RAB27B: variants seen among roughly 807,000 people sequenced by gnomAD.
RAB27B encodes ras-related protein Rab-27B.
In RAB27B, 15 loss-of-function variants were observed where a neutral mutation model predicts 24.6. The ratio of observed to expected loss-of-function variants is 0.61; its 90% CI spans 0.41 to 0.94. RAB27B has a LOEUF of 0.94. Ranked by LOEUF, RAB27B falls within the 40% of genes least tolerant of loss-of-function variation. The probability of loss-of-function intolerance (pLI) is 0.00; values close to 1 mark genes in which losing one functional copy is unlikely to be tolerated. For synonymous variants in RAB27B, 105 were observed against 92.5 expected, an observed-to-expected ratio of 1.14 and a Z score of -0.78; for missense variants, 261 against 266.8, an observed-to-expected ratio of 0.98 and a Z score of 0.15.
intron 2 of RAB27B, among the ~76,000 whole-genome samples, chr18:54,750,294 A>G (rs956865090): frequency 6.6e-6 from 1 of 152,214 alleles, no homozygotes; most frequent in Non-Finnish European, 1.5e-5. Context: ...ATCTCTTGAA[A>G]TGTTAGGAAT....
chr18:54,744,808 G>T (rs1014977540), intron 2 of RAB27B: 1 of 192,732 alleles, frequency 5.2e-6, no homozygotes, highest in Admixed American at 4.8e-5. Context: ...ATTTCTTGCA[G>T]CAGGAACTCA....
intron 1 of RAB27B, among the ~76,000 whole-genome samples, chr18:54,838,483 T>G (rs1910981201): frequency 6.6e-6 from 1 of 152,178 alleles, no homozygotes; most frequent in Non-Finnish European, 1.5e-5. Context: ...ACACTCTCCA[T>G]CACAAGTATT....
intron 2 of RAB27B, among the ~76,000 whole-genome samples, chr18:54,748,099 C>CTATTT (rs1242906377): frequency 1.3e-5 from 2 of 151,946 alleles, no homozygotes; most frequent in African/African-American, 2.4e-5. Flanking sequence ...AGAGTGAGAC[C>CTATTT]TTGTCTCAAA....
intron 2 of RAB27B, among the ~76,000 whole-genome samples, chr18:54,725,431 T>G (rs1394889751): frequency 2.6e-5 from 4 of 151,576 alleles, no homozygotes; most frequent in Admixed American, 2.6e-4. Flanking sequence ...TGAAATTCCA[T>G]GTAAAAACTT....
chr18:54,784,336 C>A (rs1471043042), intron 2 of RAB27B, among the ~76,000 whole-genome samples: 1 of 152,120 alleles, frequency 6.6e-6, no homozygotes, highest in East Asian at 1.9e-4. Flanking sequence ...GATACATGTG[C>A]AGATGTGTTA....
At chr18:54,719,454 A>T (rs989060551) in intron 2 of RAB27B, among the ~76,000 whole-genome samples, 1 of 152,054 alleles carries the variant, frequency 6.6e-6, no homozygotes, top group African/African-American at 2.4e-5. Flanking sequence ...TACTTTTTAA[A>T]TGTAACTAAA....
chr18:54,738,155 T>C (rs1009490079), intron 2 of RAB27B, among the ~76,000 whole-genome samples: 5 of 152,194 alleles, frequency 3.3e-5, no homozygotes, highest in Admixed American at 2.0e-4. Context: ...GTCATAATCT[T>C]GTCTTTCTGC....
chr18:54,877,159 T>C (rs1912736282), intron 1 of RAB27B, among the ~76,000 whole-genome samples: 1 of 152,170 alleles, frequency 6.6e-6, no homozygotes, highest in Non-Finnish European at 1.5e-5. Flanking sequence ...TGCTGAGCTC[T>C]CATTCTCTCT....
intron 1 of RAB27B, among the ~76,000 whole-genome samples, chr18:54,864,670 C>T (rs1912140924): frequency 6.6e-6 from 1 of 151,878 alleles, no homozygotes; most frequent in Non-Finnish European, 1.5e-5. Flanking sequence ...TATTCTTTTT[C>T]CCATTTATTT....
chr18:54,735,389 T>C (rs1416032366), intron 2 of RAB27B, among the ~76,000 whole-genome samples: 2 of 152,212 alleles, frequency 1.3e-5, no homozygotes, highest in African/African-American at 4.8e-5. Context: ...TTTCTGAGGC[T>C]ACCACACTGT....
chr18:54,867,442 C>CTTTTCTTTTTTTTTTTTTTTT (rs1555666326), intron 1 of RAB27B, among the ~76,000 whole-genome samples: 14 of 98,746 alleles, frequency 1.4e-4, no homozygotes, highest in South Asian at 4.0e-4. Context: ...CTTTTCTTTT[C>CTTTTCTTTTTTTTTTTTTTTT]TTTTTTTTTT....
At chr18:54,839,634 A>G (rs189102979) in intron 1 of RAB27B, among the ~76,000 whole-genome samples, 6 of 152,320 alleles carry the variant, frequency 3.9e-5, no homozygotes, top group Admixed American at 3.9e-4. Flanking sequence ...CTAAGGTCCT[A>G]TTTCTTTGTC....
chr18:54,850,768 A>G (rs541214929), intron 1 of RAB27B, among the ~76,000 whole-genome samples: 1 of 151,190 alleles, frequency 6.6e-6, no homozygotes, highest in South Asian at 2.1e-4. Context: ...TTATTTTATT[A>G]ATTTTAAATT....
intron 2 of RAB27B, among the ~76,000 whole-genome samples, chr18:54,802,584 G>A (rs1490522793): frequency 6.6e-6 from 1 of 152,098 alleles, no homozygotes; most frequent in East Asian, 1.9e-4. Flanking sequence ...TTCTTGATGT[G>A]TGATTTTACA....
At chr18:54,779,914 C>T (rs555741326) in intron 2 of RAB27B, among the ~76,000 whole-genome samples, 15 of 151,282 alleles carry the variant, frequency 9.9e-5, no homozygotes, top group African/African-American at 3.4e-4. Flanking sequence ...CCCTCTCTAC[C>T]GTCTCCTGAC....
chr18:54,738,867 G>A (rs994967507), intron 2 of RAB27B, among the ~76,000 whole-genome samples: 1 of 152,076 alleles, frequency 6.6e-6, no homozygotes, highest in African/African-American at 2.4e-5. Flanking sequence ...AACTCAATGA[G>A]TCTTGAGAAA....
chr18:54,719,161 T>A (rs937034569), intron 2 of RAB27B, among the ~76,000 whole-genome samples: 2 of 152,158 alleles, frequency 1.3e-5, no homozygotes. Context: ...GTGACTTTAA[T>A]GAAAAACATT....
intron 1 of RAB27B, among the ~76,000 whole-genome samples, chr18:54,844,408 C>CTTTTTTTTTTTTTTTTTTTTTT (rs148747981): frequency 2.8e-5 from 3 of 107,880 alleles, no homozygotes; most frequent in Admixed American, 2.0e-4. Flanking sequence ...CTTTTCTTTT[C>CTTTTTTTTTTTTTTTTTTTTTT]TTTTTTTTTT....
chr18:54,798,375 T>C (rs1909490304), intron 2 of RAB27B, among the ~76,000 whole-genome samples: 1 of 152,216 alleles, frequency 6.6e-6, no homozygotes, highest in African/African-American at 2.4e-5. Flanking sequence ...GCACAACTCT[T>C]CCATTTTGCT....
Sources: gnomAD v4.1 joint callset for allele counts (sites outside exome capture counted in the v4.1 genomes callset) on GRCh38, gnomAD v4.1.1 for gene constraint, MANE v1.5 for transcripts, NCBI Gene and HGNC (gene_info 2026-07-23, HGNC 2026-07-21) for gene names.